DCLRE1A: variants seen among roughly 807,000 people sequenced by gnomAD.
The protein encoded by DCLRE1A is DNA cross-link repair 1A protein.
A neutral mutation model predicts 91.9 loss-of-function variants in DCLRE1A; 64 were observed. The ratio of observed to expected loss-of-function variants is 0.70; its 90% CI spans 0.57 to 0.86. DCLRE1A has a LOEUF of 0.86. Among genes scored for constraint, DCLRE1A ranks in the 40% least tolerant of loss-of-function variants. DCLRE1A has a pLI of 0.00. For missense variants in DCLRE1A, 1,145 were observed against 1,213.3 expected, an observed-to-expected ratio of 0.94 and a Z score of 0.84; for synonymous variants, 416 against 431.1, an observed-to-expected ratio of 0.96 and a Z score of 0.43.
chr10:113,844,292 A>C, intron 4 of DCLRE1A, 48 bp from the exon 5 acceptor site: 2 of 1,606,864 alleles, frequency 1.2e-6, no homozygotes, highest in Non-Finnish European at 1.7e-6. Context: ...CAAGCACCTA[A>C]AGGAACAGTA....
At chr10:113,839,450 G>T (rs1422975572) in intron 7 of DCLRE1A, among the ~76,000 whole-genome samples, 3 of 150,760 alleles carry the variant, frequency 2.0e-5, no homozygotes, top group Middle Eastern at 3.2e-3. Flanking sequence ...CGTTGTGAAT[G>T]TATCATCTAT....
intron 7 of DCLRE1A, 39 bp from the exon 8 acceptor site, chr10:113,837,242 G>A (rs757506572): frequency 1.0e-5 from 16 of 1,574,312 alleles, no homozygotes; most frequent in African/African-American, 9.5e-5. Context: ...CAATGGAGAC[G>A]AGTTATATGG....
intron 3 of DCLRE1A, among the ~76,000 whole-genome samples, chr10:113,846,033 T>A (rs189410194): frequency 6.6e-6 from 1 of 152,272 alleles, no homozygotes; most frequent in East Asian, 1.9e-4. Flanking sequence ...CACCATGACA[T>A]ACAAAAGCCT....
chr10:113,851,170 T>C (rs1248460121), intron 1 of DCLRE1A, among the ~76,000 whole-genome samples: 2 of 152,240 alleles, frequency 1.3e-5, no homozygotes, highest in Non-Finnish European at 2.9e-5. Flanking sequence ...TTCATCTATA[T>C]GACATTTTAC....
intron 4 of DCLRE1A, among the ~76,000 whole-genome samples, chr10:113,845,025 T>C (rs962674129): frequency 2.6e-5 from 4 of 151,744 alleles, no homozygotes; most frequent in African/African-American, 9.7e-5. Flanking sequence ...GGCAACCTAA[T>C]GTAATAGCTT....
Position 113,849,842 on chromosome 10 carries a change from A to C in DCLRE1A, c.1263T>G (p.Ser421=). The C allele has an allele frequency of 1.2e-6, 2 of 1,614,136 alleles. No homozygotes were observed. Among genetic ancestry groups the C allele is most frequent in the Non-Finnish European group, 1.7e-6 (2 of 1,180,038 alleles). Residue 421 remains serine (S), a synonymous_variant, in exon 2 of 9, where the codon TCT becomes TCG. Transcript: ENST00000361384. ...GTTTTGCTTTAGTTGCCTGATGAAC[A>C]GAAGCAGCAAGCTTCCCTGCCAATG... ...PPALAGKLAA[S]VHQATKAKPD...
chr10:113,850,558 C>T lies in DCLRE1A; in HGVS notation c.547G>A (p.Gly183Ser). ...THFLLAQSRAGDHPFSSPSPA... is the reference protein window; with the variant it reads ...THFLLAQSRASDHPFSSPSPA... ...GATGGGCTGCTAAAAGGATGATCACCAGCCCTGCTTTGAGCTAGCAGGAAG... is the reference window on the plus strand; with the variant it reads ...GATGGGCTGCTAAAAGGATGATCACTAGCCCTGCTTTGAGCTAGCAGGAAG... The change falls in exon 2 of 9, where the codon GGT (glycine) becomes AGT (serine). Residue 183 changes from glycine to serine, a missense_variant. Gly to Ser is a moderately conservative substitution (Grantham distance 56, BLOSUM62 0). Coordinates refer to ENST00000361384, the MANE Select transcript of DCLRE1A (RefSeq NM_014881.5). 1 of 1,614,054 alleles carries T rather than the reference C, an allele frequency of 6.2e-7. No homozygotes were observed. The highest frequency in any genetic ancestry group is 2.2e-5 in the East Asian group (1 of 44,872).
In DCLRE1A at chr10:113,835,129, C is replaced by T; in HGVS notation, c.*23G>A. The T allele has an allele frequency of 6.2e-6, 10 of 1,605,896 alleles. No individual in the cohort carries two copies. Among genetic ancestry groups the T allele is most frequent in the African/African-American group, 1.3e-5 (1 of 74,614 alleles). On this transcript the variant is annotated 3_prime_UTR_variant, in exon 9 of 9. Transcript: ENST00000361384. ...AAGCTACATCCAAGGAACTTAACTA[C>T]TACTGAATCCTCGGAGGTATCATCA...
intron 1 of DCLRE1A, 132 bp downstream of exon 1, chr10:113,852,591 T>C (rs1845671948): frequency 2.5e-6 from 2 of 807,078 alleles, no homozygotes; most frequent in Non-Finnish European, 3.9e-6. Flanking sequence ...CGTTGACTGG[T>C]ATGGTGTTTC....
intron 7 of DCLRE1A, among the ~76,000 whole-genome samples, chr10:113,837,847 A>T (rs1845387225): frequency 6.6e-6 from 1 of 152,200 alleles, no homozygotes; most frequent in South Asian, 2.1e-4. Context: ...ACATTTGATA[A>T]AACTCTTAGA....
intron 8 of DCLRE1A, 114 bp from the exon 9 acceptor site, chr10:113,835,426 T>C: frequency 1.8e-6 from 2 of 1,101,242 alleles, no homozygotes; most frequent in African/African-American, 1.6e-5. Flanking sequence ...AGTATTTTTG[T>C]CAAAAACCCC....
At position 113,841,555 on chromosome 10, in the gene DCLRE1A, C is replaced by G; in HGVS notation, c.2671G>C (p.Ala891Pro). ...IGKEKVFLAI[A>P]DVLGSKVGMS... is the part of the protein sequence containing the mutation. Reference sequence around the variant, plus strand: ...CCCACTTTTGAACCTAAAACATCAGCAATGGCTATGGGCAAAAGAAAAGAT... The same window carrying G: ...CCCACTTTTGAACCTAAAACATCAGGAATGGCTATGGGCAAAAGAAAAGAT... Residue 891 changes from alanine to proline, a missense_variant, in exon 7 of 9, where the codon GCT becomes CCT. Coordinates refer to ENST00000361384, the MANE Select transcript of DCLRE1A (RefSeq NM_014881.5). 6.2e-7 allele frequency: 1 copy of G among 1,605,676 alleles called. No homozygotes were observed. Among genetic ancestry groups the G allele is most frequent in the Non-Finnish European group, 8.5e-7 (1 of 1,177,230 alleles).
At position 113,850,537 on chromosome 10, in the gene DCLRE1A, G is replaced by A; in HGVS notation, c.568C>T (p.Pro190Ser). The change falls in exon 2 of 9, where the codon CCA becomes TCA. Residue 190 changes from proline (P) to serine (S), a missense_variant. Pro to Ser is a moderately conservative substitution (Grantham distance 74, BLOSUM62 -1). Coordinates refer to ENST00000361384, the MANE Select transcript of DCLRE1A (RefSeq NM_014881.5). Reference sequence around the variant, plus strand: ...AAACTGCCACCTGACGCAGGTGATGGGCTGCTAAAAGGATGATCACCAGCC... The same window carrying A: ...AAACTGCCACCTGACGCAGGTGATGAGCTGCTAAAAGGATGATCACCAGCC... ...SRAGDHPFSS[P>S]SPASGGSFSE... 1.9e-6 allele frequency: 3 copies of A among 1,614,084 alleles called. No individual in the cohort carries two copies. The highest frequency in any genetic ancestry group is 3.3e-5 in the Admixed American group (2 of 60,000).
chr10:113,847,354 C>T lies in DCLRE1A; in HGVS notation c.2126-19G>A, dbSNP rs778346252. On this transcript the variant is annotated intron_variant, in intron 2 of 8. Transcript: ENST00000361384. ...CCGGTTCCTGCAATAAAAATACCGA[C>T]ACAGTAGGTTGAGCAAGAGCTAAGA... The T allele has an allele frequency of 3.1e-6, 5 of 1,612,714 alleles. No individual in the cohort carries two copies. The South Asian group carries it at 4.4e-5, about 14-fold the overall frequency.
chr10:113,846,979 A>C (rs1293181234), intron 3 of DCLRE1A, among the ~76,000 whole-genome samples: 1 of 152,174 alleles, frequency 6.6e-6, no homozygotes, highest in African/African-American at 2.4e-5. Context: ...GTACATCGTG[A>C]AATAGTTTAT....
intron 5 of DCLRE1A, among the ~76,000 whole-genome samples, chr10:113,842,792 T>C (rs1314985145): frequency 6.6e-6 from 1 of 152,182 alleles, no homozygotes; most frequent in African/African-American, 2.4e-5. Context: ...ATTTTAGTTA[T>C]AAATTATAAA....
chr10:113,840,031 C>T (rs1449270836), intron 7 of DCLRE1A, among the ~76,000 whole-genome samples: 1 of 152,112 alleles, frequency 6.6e-6, no homozygotes. Context: ...TGGTGGCTCA[C>T]ACCTGTAATA....
At chr10:113,851,452 TA>T (rs750978403) in intron 1 of DCLRE1A, among the ~76,000 whole-genome samples, 2 of 152,206 alleles carry the variant, frequency 1.3e-5, no homozygotes, top group African/African-American at 2.4e-5. Flanking sequence ...TTTTTCAGAT[TA>T]AAAAAATCCA....
At position 113,835,171 on chromosome 10, in the gene DCLRE1A, T is replaced by A; in HGVS notation, c.3104A>T (p.Lys1035Ile). Residue 1035 changes from lysine (K) to isoleucine (I), a missense_variant, in exon 9 of 9, where the codon AAA becomes ATA. Physicochemically the swap from Lys to Ile is moderately radical, Grantham distance 102. Coordinates refer to ENST00000361384, the MANE Select transcript of DCLRE1A (RefSeq NM_014881.5). ...STMEKYFREWKLEAGY is the reference protein window; with the variant it reads ...STMEKYFREWILEAGY ...GTATCATCAATATCCAGCTTCCAAT[T>A]TCCACTCTCTAAAATATTTCTCCAT... 6.2e-7 allele frequency: 1 copy of A among 1,613,692 alleles called. No individual in the cohort carries two copies. The highest frequency in any genetic ancestry group is 8.5e-7 in the Non-Finnish European group (1 of 1,179,896).
Sources: allele counts gnomAD v4.1 joint callset (sites outside exome capture counted in the v4.1 genomes callset), GRCh38; gene constraint gnomAD v4.1.1; transcripts MANE v1.5; gene names NCBI Gene and HGNC (gene_info 2026-07-23, HGNC 2026-07-21).